CACNA1E: variants seen among roughly 807,000 people sequenced by gnomAD.
CACNA1E encodes calcium voltage-gated channel subunit alpha1 E, also known as voltage-dependent R-type calcium channel subunit alpha-1E.
In CACNA1E, 40 loss-of-function variants were observed where a neutral mutation model predicts 259.2. The ratio of observed to expected loss-of-function variants is 0.15; its 90% CI spans 0.12 to 0.20. The LOEUF is 0.20. CACNA1E is among the 10% of genes least tolerant of loss of function. CACNA1E has a pLI of 1.00. For missense variants in CACNA1E, 1,874 were observed against 3,040.1 expected (o/e 0.62, Z 9.02); for synonymous variants, 1,104 against 1,138.5 (o/e 0.97, Z 0.61).
At chr1:181,688,902 A>G (rs1269456232) in intron 7 of CACNA1E, among the ~76,000 whole-genome samples, 1 of 152,140 alleles carries the variant, frequency 6.6e-6, no homozygotes. Context: ...AGATAATGCA[A>G]TATTTGTCTT....
intron 32 of CACNA1E, 100 bp from the exon 33 acceptor site, chr1:181,762,474 A>C: frequency 1.3e-6 from 1 of 740,744 alleles, no homozygotes; most frequent in South Asian, 1.6e-5. Context: ...GACAAGTTTT[A>C]TTTCCAAGGG....
At chr1:181,382,291 G>C (rs1238720706) in intron 1 of CACNA1E, among the ~76,000 whole-genome samples, 1 of 152,216 alleles carries the variant, frequency 6.6e-6, no homozygotes, top group Non-Finnish European at 1.5e-5. Flanking sequence ...GAGGAAGGTA[G>C]TGTGAGACTG....
intron 35 of CACNA1E, among the ~76,000 whole-genome samples, chr1:181,770,304 T>C (rs988522023): frequency 3.9e-5 from 6 of 152,094 alleles, no homozygotes; most frequent in African/African-American, 9.7e-5. Flanking sequence ...CAAAATGTGG[T>C]TGGGGAAGGA....
intron 1 of CACNA1E, among the ~76,000 whole-genome samples, chr1:181,337,795 A>G (rs1371674785): frequency 6.6e-6 from 1 of 152,200 alleles, no homozygotes; most frequent in African/African-American, 2.4e-5. Context: ...TGTCTTAACT[A>G]TTGTGCATAA....
At chr1:181,497,980 A>G (rs547478460) in intron 1 of CACNA1E, among the ~76,000 whole-genome samples, 29 of 152,278 alleles carry the variant, frequency 1.9e-4, no homozygotes, top group African/African-American at 6.3e-4. Context: ...TCCCCCGCCA[A>G]AACTCCACTG....
At position 181,365,057 on chromosome 1, in the gene CACNA1E, C is replaced by A. The variant is rs532897519; in HGVS notation, c.-15+46934C>A. ...CACCCTGGACATGTCTGGGTAGCAG[C>A]ACTGAGCACGTGCTTTGGGAGGTAG... On this transcript the variant is annotated intron_variant, in intron 1 of 11. Transcript: ENST00000524607. Among the ~76,000 whole-genome samples, 2 of 152,328 alleles carry A rather than the reference C, an allele frequency of 1.3e-5. 1 individual carries two copies. The highest frequency in any genetic ancestry group is 1.3e-4 in the Admixed American group (2 of 15,304).
intron 7 of CACNA1E, among the ~76,000 whole-genome samples, chr1:181,685,344 T>G (rs1650429228): frequency 6.6e-6 from 1 of 151,584 alleles, no homozygotes; most frequent in Admixed American, 6.6e-5. Context: ...ACCTCTCAAG[T>G]CAAGTATTAT....
intron 1 of CACNA1E, among the ~76,000 whole-genome samples, chr1:181,326,455 C>A (rs1173114017): frequency 6.6e-6 from 1 of 152,150 alleles, no homozygotes; most frequent in Admixed American, 6.5e-5. Context: ...GGCCTGGATA[C>A]CTTATGGTGT....
At chr1:181,341,689 C>T (rs999942025) in intron 1 of CACNA1E, among the ~76,000 whole-genome samples, 10 of 152,198 alleles carry the variant, frequency 6.6e-5, no homozygotes, top group Non-Finnish European at 1.5e-4. Context: ...TGTTAATCTC[C>T]TGCCTCTCTT....
At chr1:181,491,764 G>A (rs891592476) in intron 1 of CACNA1E, among the ~76,000 whole-genome samples, 18 of 152,210 alleles carry the variant, frequency 1.2e-4, no homozygotes, top group Admixed American at 2.6e-4. Context: ...CTGAGAGCAG[G>A]CTCTTCTGAG....
At chr1:181,391,338 G>A (rs1656263284) in intron 1 of CACNA1E, among the ~76,000 whole-genome samples, 1 of 152,192 alleles carries the variant, frequency 6.6e-6, no homozygotes, top group Admixed American at 6.5e-5. Flanking sequence ...ATCCAGCTGT[G>A]AAACAACTTT....
intron 32 of CACNA1E, among the ~76,000 whole-genome samples, chr1:181,761,323 T>C (rs1253792047): frequency 6.6e-6 from 1 of 152,238 alleles, no homozygotes; most frequent in Non-Finnish European, 1.5e-5. Flanking sequence ...CCAACTCCTC[T>C]TGCCAACTCT....
intron 3 of CACNA1E, among the ~76,000 whole-genome samples, chr1:181,555,511 C>G (rs148377588): frequency 6.6e-6 from 1 of 152,180 alleles, no homozygotes; most frequent in African/African-American, 2.4e-5. Flanking sequence ...GTGCCACCTG[C>G]GATTTCTTCT....
chr1:181,348,158 C>G (rs77078735), intron 1 of CACNA1E, among the ~76,000 whole-genome samples: 3,370 of 151,298 alleles, frequency 0.022, 122 homozygotes, highest in African/African-American at 0.078. Flanking sequence ...CAGCTCAGCA[C>G]AGAGCTATCC....
chr1:181,481,259 G>A (rs535893536), upstream of CACNA1E, among the ~76,000 whole-genome samples: 4 of 152,058 alleles, frequency 2.6e-5, no homozygotes, highest in Non-Finnish European at 2.9e-5. Context: ...GAATCCAAAG[G>A]TCAAATGCCT....
At chr1:181,334,651 G>T (rs969889255) in intron 1 of CACNA1E, among the ~76,000 whole-genome samples, 3 of 152,154 alleles carry the variant, frequency 2.0e-5, no homozygotes, top group Non-Finnish European at 4.4e-5. Flanking sequence ...TGTTGGCTCT[G>T]TCTTCAAAAT....
intron 6 of CACNA1E, among the ~76,000 whole-genome samples, chr1:181,645,204 C>T (rs766400472): frequency 6.6e-6 from 1 of 152,086 alleles, no homozygotes; most frequent in Non-Finnish European, 1.5e-5. Flanking sequence ...AGTGATTGTT[C>T]TAAAAGTTGG....
chr1:181,432,399 C>G (rs118016883), intron 2 of CACNA1E, among the ~76,000 whole-genome samples: 1 of 151,612 alleles, frequency 6.6e-6, no homozygotes, highest in East Asian at 1.9e-4. Context: ...ATTCATGTAT[C>G]GTTTCAACTG....
chr1:181,545,877 G>C (rs1275920088), intron 3 of CACNA1E, among the ~76,000 whole-genome samples: 1 of 152,094 alleles, frequency 6.6e-6, no homozygotes, highest in Non-Finnish European at 1.5e-5. Flanking sequence ...TTTCTTTGCT[G>C]TTCCTTCAGG....
Sources: allele counts gnomAD v4.1 joint callset (sites outside exome capture counted in the v4.1 genomes callset), GRCh38; gene constraint gnomAD v4.1.1; transcripts MANE v1.5; gene names NCBI Gene and HGNC (gene_info 2026-07-23, HGNC 2026-07-21).